The following COL4A4 variants were observed in gnomAD, a reference collection of about 807,000 sequenced individuals.
The protein encoded by COL4A4 is collagen alpha-4(IV) chain.
In COL4A4, 105 loss-of-function variants were observed where a neutral mutation model predicts 192.9. The observed-to-expected ratio is 0.54, with a 90% CI of 0.46 to 0.64. The LOEUF (loss-of-function observed/expected upper bound fraction) is 0.64, where lower values mean the gene tolerates loss of function less well. Among genes scored for constraint, COL4A4 ranks in the 30% least tolerant of loss-of-function variants. The pLI is 0.00. For missense variants in COL4A4, 1,967 were observed against 2,169.3 expected (o/e 0.91, Z 1.85); for synonymous variants, 762 against 769.9 (o/e 0.99, Z 0.17).
chr2:227,111,528 G>C, intron 9 of COL4A4, 150 bp downstream of exon 9: 1 of 814,152 alleles, frequency 1.2e-6, no homozygotes, highest in Non-Finnish European at 2.1e-6. Context: ...ATCTTGAAAT[G>C]CTTAATAATT....
intron 4 of COL4A4, among the ~76,000 whole-genome samples, chr2:227,129,411 C>CTTT (rs752359503): frequency 2.2e-5 from 3 of 138,000 alleles, no homozygotes; most frequent in Admixed American, 7.3e-5. Context: ...TTCTAGTATA[C>CTTT]TTTTTTTTTT....
At chr2:226,988,722 A>G in the COL4A4 span, 2 of 930,728 alleles carry the variant, frequency 2.1e-6, no homozygotes, top group African/African-American at 3.6e-5. Context: ...ATACATAGAT[A>G]TAGATATATT....
In COL4A4 at chr2:227,059,460, T is replaced by C. The variant is rs1183205507; in HGVS notation, c.2328A>G (p.Ser776=). ...TGGGTCCTTTTATCCCTGGCACTCC[T>C]GAAAGACCCCTCTTTCCCGGGGGTC... is the stretch of plus-strand genomic sequence containing the variant. The part of the protein sequence containing the change: ...HLGPPGKRGL[S]GVPGIKGPRG... The change falls in exon 28 of 48, where the codon TCA becomes TCG. Residue 776 remains serine, a synonymous_variant. Coordinates refer to ENST00000396625, the MANE Select transcript of COL4A4 (RefSeq NM_000092.5). 6.2e-7 allele frequency: 1 copy of C among 1,614,162 alleles called. No homozygotes were observed.
chr2:226,995,456 C>G, the COL4A4 span: 2 of 1,612,952 alleles, frequency 1.2e-6, no homozygotes, highest in Non-Finnish European at 1.7e-6. Context: ...GCCCACCACC[C>G]TACGGGTTTC....
In COL4A4 at chr2:227,121,128, CCCTGGTGGT is replaced by C. The variant is rs764884579; in HGVS notation, c.204_212del (p.Pro70_Pro72del). ...CCAGGGGTCCAATTGGACCCTGTGG[CCCTGGTGGT>C]CCTGGTGGACCCTGAGAAGGAAGAT... On this transcript the variant is annotated inframe_deletion, in exon 5 of 48. Coordinates refer to ENST00000396625, the MANE Select transcript of COL4A4 (RefSeq NM_000092.5). 40 of 1,613,932 alleles carry C rather than the reference CCCTGGTGGT, an allele frequency of 2.5e-5. No individual in the cohort carries two copies. Among genetic ancestry groups the C allele is most frequent in the South Asian group, 4.4e-5 (4 of 91,088 alleles).
intron 23 of COL4A4, among the ~76,000 whole-genome samples, chr2:227,080,803 C>G (rs2059285093): frequency 6.6e-6 from 1 of 152,220 alleles, no homozygotes; most frequent in Non-Finnish European, 1.5e-5. Context: ...GTGCCAATCA[C>G]AGAATCTTCC....
chr2:227,068,044 C>T lies in COL4A4; in HGVS notation c.1988-5446G>A, dbSNP rs1388602306. Among the ~76,000 whole-genome samples, 510 of 144,898 alleles carry T rather than the reference C, an allele frequency of 3.5e-3. 2 individuals carry two copies. Among genetic ancestry groups the T allele is most frequent in the African/African-American group, 0.012 (476 of 38,958 alleles). On this transcript the variant is annotated intron_variant, in intron 25 of 47. Transcript: ENST00000396625. ...AAAATGATAAAGGGGATATCACCAC[C>T]GATCCCACAGAAATACAAACTACCA...
chr2:227,108,712 G>C lies in COL4A4; in HGVS notation c.694-90C>G, dbSNP rs560533499. Reference sequence around the variant, plus strand: ...AAGACTTCTGGCTACACAATATATTGCAGTTCATGGAATACTTTGGGAAGT... The same window carrying C: ...AAGACTTCTGGCTACACAATATATTCCAGTTCATGGAATACTTTGGGAAGT... On this transcript the variant is annotated intron_variant, in intron 11 of 47. Coordinates refer to ENST00000396625, the MANE Select transcript of COL4A4 (RefSeq NM_000092.5). 2.8e-4 allele frequency: 425 copies of C among 1,515,612 alleles called. 1 individual carries two copies. The highest frequency in any genetic ancestry group is 3.8e-4 in the Non-Finnish European group (411 of 1,091,240). 93.9% of individuals were successfully genotyped at this position (1,515,612 alleles called of 1,614,324 possible). A position where few individuals can be genotyped will look rare whatever the true frequency, so the allele number is the denominator to read the frequency against.
intron 27 of COL4A4, 24 bp downstream of exon 27, chr2:227,060,112 A>AAAAAC (rs1976552301): frequency 2.4e-6 from 3 of 1,237,514 alleles, no homozygotes; most frequent in South Asian, 1.4e-5. Context: ...AAAAAAAAAA[A>AAAAAC]AAAAAAAAAA....
chr2:227,094,027 T>C (rs1423477668), intron 20 of COL4A4, 98 bp downstream of exon 20: 15 of 1,212,306 alleles, frequency 1.2e-5, no homozygotes, highest in South Asian at 4.2e-5. Context: ...AAACATCATA[T>C]AACTTTTAAA....
At chr2:227,064,932 G>C (rs1249622) in intron 25 of COL4A4, among the ~76,000 whole-genome samples, 12,174 of 152,244 alleles carry the variant, frequency 0.08, 1,013 homozygotes, top group East Asian at 0.41. Context: ...CCCAGCGCGC[G>C]CGACGCAGAA....
At chr2:226,983,343 C>T in the COL4A4 span, among the ~76,000 whole-genome samples, 1 of 152,084 alleles carries the variant, frequency 6.6e-6, no homozygotes, top group African/African-American at 2.4e-5. Context: ...GTGTTTTCTG[C>T]GGGAATGTGG....
intron 25 of COL4A4, among the ~76,000 whole-genome samples, chr2:227,073,867 A>G (rs1050426277): frequency 1.3e-5 from 2 of 152,074 alleles, no homozygotes; most frequent in African/African-American, 4.8e-5. Flanking sequence ...ATAAAACCGG[A>G]TTCCTATCTC....
chr2:226,977,458 T>G, the COL4A4 span, among the ~76,000 whole-genome samples: 1 of 152,202 alleles, frequency 6.6e-6, no homozygotes, highest in East Asian at 1.9e-4. Context: ...TAAAACAACT[T>G]AGATGTCGGT....
At chr2:226,972,082 C>G in the COL4A4 span, among the ~76,000 whole-genome samples, 5 of 151,988 alleles carry the variant, frequency 3.3e-5, no homozygotes, top group Non-Finnish European at 5.9e-5. Context: ...TCCCCTTGCC[C>G]CCTAACTCCC....
chr2:227,027,901 C>T lies in COL4A4; in HGVS notation c.4081+1G>A. On this transcript the variant is annotated splice_donor_variant, in intron 42 of 47. Transcript: ENST00000396625. LOFTEE classifies it high-confidence loss of function. The stretch of plus-strand genomic sequence containing the variant: ...ATGCTGTATGTAGGTTGGAAGCTCA[C>T]CCGGAAGACCAGTGGGCCCTTTTCT... 1 of 1,604,878 alleles carries T rather than the reference C, an allele frequency of 6.2e-7. No homozygotes were observed. Among genetic ancestry groups the T allele is most frequent in the South Asian group, 1.1e-5 (1 of 90,818 alleles).
chr2:227,005,647 G>A lies in COL4A4; in HGVS notation c.*1678C>T, dbSNP rs1961935567. The A allele has an allele frequency of 1.3e-5, 2 of 152,202 alleles. No homozygotes were observed. The highest frequency in any genetic ancestry group is 6.5e-5 in the Admixed American group (1 of 15,288). The allele number at this position is 152,202 out of a possible 1,614,324, so 9.4% of individuals were successfully genotyped here. ...GGGCAGCCCATAGCAAAACTCATTT[G>A]AAATGTGTTCTGCATATAAGAGCTC... On this transcript the variant is annotated 3_prime_UTR_variant, in exon 48 of 48. Coordinates refer to ENST00000396625, the MANE Select transcript of COL4A4 (RefSeq NM_000092.5).
chr2:227,098,604 CA>C (rs1402457997), intron 19 of COL4A4, 89 bp downstream of exon 19: 3 of 981,232 alleles, frequency 3.1e-6, no homozygotes, highest in African/African-American at 1.6e-5. Flanking sequence ...AAGGTGATTC[CA>C]ATATCAGCTA....
At chr2:227,099,478 T>C in intron 18 of COL4A4, 142 bp downstream of exon 18, 1 of 742,212 alleles carries the variant, frequency 1.3e-6, no homozygotes, top group South Asian at 1.5e-5. Flanking sequence ...TGCACATGTA[T>C]AATTATACAC....
Sources: allele counts gnomAD v4.1 joint callset (sites outside exome capture counted in the v4.1 genomes callset), GRCh38; gene constraint gnomAD v4.1.1; transcripts MANE v1.5; gene names NCBI Gene and HGNC (gene_info 2026-07-23, HGNC 2026-07-21).